The following WDR35 variants were observed in gnomAD, a reference collection of about 807,000 sequenced individuals.
WDR35 encodes the protein WD repeat domain 35.
A neutral mutation model predicts 158.3 loss-of-function variants in WDR35; 118 were observed. The ratio of observed to expected loss-of-function variants is 0.75; its 90% CI spans 0.64 to 0.87. WDR35 has a LOEUF of 0.87. WDR35 is among the 40% of genes least tolerant of loss of function. The pLI, the probability that WDR35 is intolerant of heterozygous loss-of-function variation, is 0.00. For missense variants in WDR35, 1,263 were observed against 1,405.8 expected (o/e 0.90, Z 1.62); for synonymous variants, 448 against 476.1 (o/e 0.94, Z 0.77).
chr2:19,973,549 T>A lies in WDR35; in HGVS notation c.882+14A>T, dbSNP rs1391366313. 6.2e-7 allele frequency: 1 copy of A among 1,614,122 alleles called. No individual in the cohort carries two copies. The highest frequency in any genetic ancestry group is 1.1e-5 in the South Asian group (1 of 91,082). Reference sequence around the variant, plus strand: ...TTAAATAGAAAGAAAGAAGATCAATTTGAATGCATTTACCTCACCAAACGG... The same window carrying A: ...TTAAATAGAAAGAAAGAAGATCAATATGAATGCATTTACCTCACCAAACGG... On this transcript the variant is annotated intron_variant, in intron 8 of 26. Transcript: ENST00000281405.
intron 11 of WDR35, among the ~76,000 whole-genome samples, chr2:19,957,556 A>T (rs1419428684): frequency 6.9e-6 from 1 of 145,704 alleles, no homozygotes; most frequent in East Asian, 2.0e-4. Flanking sequence ...AGGTTATTGG[A>T]TTTTTTTTTT....
Position 19,914,108 on chromosome 2 carries a change from A to G in WDR35, c.3291T>C (p.Leu1097=). Residue 1097 remains leucine, a synonymous_variant, in exon 26 of 27, where the codon CTT becomes CTC. Transcript: ENST00000281405. ...SSEQKQQYED[L]ALEIFTKHTS... ...TATGTTTGGTGAAGATTTCTAAAGC[A>G]AGGTCTTCATACTGCTGTTTCTGTT... 1 of 1,614,166 alleles carries G rather than the reference A, an allele frequency of 6.2e-7. No individual in the cohort carries two copies. Among genetic ancestry groups the G allele is most frequent in the Non-Finnish European group, 8.5e-7 (1 of 1,180,008 alleles).
intron 8 of WDR35, among the ~76,000 whole-genome samples, chr2:19,971,777 A>G (rs1349865457): frequency 6.6e-6 from 1 of 152,210 alleles, no homozygotes; most frequent in Non-Finnish European, 1.5e-5. Flanking sequence ...GAATACGACC[A>G]TCTTCTAACT....
At chr2:19,961,016 T>C (rs951677058) in intron 10 of WDR35, among the ~76,000 whole-genome samples, 1 of 152,098 alleles carries the variant, frequency 6.6e-6, no homozygotes, top group African/African-American at 2.4e-5. Context: ...TTAAAACATG[T>C]TTGAACAGGA....
intron 22 of WDR35, among the ~76,000 whole-genome samples, chr2:19,932,910 A>G (rs921326869): frequency 8.5e-5 from 13 of 152,342 alleles, no homozygotes; most frequent in Non-Finnish European, 1.8e-4. Flanking sequence ...TTTCTATAAT[A>G]ACGCTGTACT....
At chr2:19,960,401 T>C (rs1671602312) in intron 11 of WDR35, among the ~76,000 whole-genome samples, 153 bp downstream of exon 11, 1 of 152,146 alleles carries the variant, frequency 6.6e-6, no homozygotes, top group Admixed American at 6.5e-5. Context: ...TGGTAACAGA[T>C]ATAAACTGGT....
At chr2:19,976,312 C>G (rs1008809181) in intron 5 of WDR35, among the ~76,000 whole-genome samples, 2 of 152,152 alleles carry the variant, frequency 1.3e-5, no homozygotes, top group African/African-American at 4.8e-5. Flanking sequence ...CCTTTCCCAA[C>G]CAAACTTCAT....
chr2:19,913,950 C>T (rs929839000), intron 26 of WDR35, 87 bp downstream of exon 26: 3 of 1,583,298 alleles, frequency 1.9e-6, no homozygotes, highest in Non-Finnish European at 2.6e-6. Flanking sequence ...AAATTCAGTG[C>T]TTTAATTCCT....
chr2:19,989,950 C>A (rs772721118), intron 1 of WDR35, 42 bp downstream of exon 1: 31 of 1,611,868 alleles, frequency 1.9e-5, no homozygotes, highest in African/African-American at 2.7e-5. Flanking sequence ...CCGCAGGCTG[C>A]GGGAATGGCG....
At chr2:19,978,395 C>A (rs1327770767) in intron 5 of WDR35, among the ~76,000 whole-genome samples, 1 of 152,020 alleles carries the variant, frequency 6.6e-6, no homozygotes, top group African/African-American at 2.4e-5. Context: ...ATATTCAGTT[C>A]CAATAAAAAC....
intron 25 of WDR35, among the ~76,000 whole-genome samples, chr2:19,917,763 G>A (rs146589207): frequency 0.039 from 5,874 of 152,244 alleles, 229 homozygotes; most frequent in East Asian, 0.2. Flanking sequence ...CCAAATCTAC[G>A]TTTGATTGGT....
Position 19,930,383 on chromosome 2 carries a change from G to T in WDR35, c.3121+13C>A, listed in dbSNP as rs1670486719. The T allele has an allele frequency of 6.2e-7, 1 of 1,613,970 alleles. No homozygotes were observed. The highest frequency in any genetic ancestry group is 1.1e-5 in the South Asian group (1 of 91,082). ...TTTTCAGACATACTATACACATTAG[G>T]TGACATGCCCACCTGTCTTCAGTGC... On this transcript the variant is annotated intron_variant, in intron 25 of 26. Transcript: ENST00000281405.
intron 2 of WDR35, among the ~76,000 whole-genome samples, chr2:19,988,168 G>A (rs954852436): frequency 3.3e-5 from 5 of 152,190 alleles, no homozygotes; most frequent in African/African-American, 9.7e-5. Context: ...ACAGCTCAGA[G>A]CCTCAATTTT....
chr2:19,955,157 T>C (rs917163313), intron 11 of WDR35, among the ~76,000 whole-genome samples: 1 of 152,182 alleles, frequency 6.6e-6, no homozygotes, highest in East Asian at 1.9e-4. Flanking sequence ...TTCACCATGT[T>C]GGCCAGATTG....
In WDR35 at chr2:19,937,824, TC is replaced by T; in HGVS notation, c.2185del (p.Glu729SerfsTer3). On this transcript the variant is annotated frameshift_variant, in exon 19 of 27. Coordinates refer to ENST00000281405, the MANE Select transcript of WDR35 (RefSeq NM_020779.4). LOFTEE classifies it high-confidence loss of function. ...AACAACTTCAGCCTGTTTCATTGAC[TC>T]ACTCAGTAGTTTGCCCAAGCGCTTC... ...FVKRLGKLLS[E>X]SMKQAEVVGY... The T allele has an allele frequency of 6.2e-7, 1 of 1,614,160 alleles. No homozygotes were observed. Among genetic ancestry groups the T allele is most frequent in the South Asian group, 1.1e-5 (1 of 91,082 alleles).
intron 8 of WDR35, 25 bp from the exon 9 acceptor site, chr2:19,969,630 C>T: frequency 6.2e-7 from 1 of 1,610,022 alleles, no homozygotes; most frequent in Non-Finnish European, 8.5e-7. Context: ...TATCTTTAAC[C>T]TAAAGTATAA....
rs757005332 is a variant in WDR35 at position 19,966,804 on chromosome 2, A to G, written c.1114T>C (p.Tyr372His). 5.2e-5 allele frequency: 84 copies of G among 1,614,004 alleles called. 1 individual carries two copies. The South Asian group carries it at 8.8e-4, about 17-fold the overall frequency. The change falls in exon 10 of 27, where the codon TAT becomes CAT. Residue 372 changes from tyrosine (Y) to histidine (H), a missense_variant. Physicochemically the swap from Tyr to His is moderately conservative, Grantham distance 83. Coordinates refer to ENST00000281405, the MANE Select transcript of WDR35 (RefSeq NM_020779.4). The part of the protein sequence containing the change: ...DTKNNEKYVK[Y>H]VKGLISITTC... ...GTAATAGAAATGAGACCCTTCACAT[A>G]TTTAACATATTTTTCATTGTTTTTC...
intron 25 of WDR35, among the ~76,000 whole-genome samples, chr2:19,925,158 T>G (rs1309487026): frequency 6.6e-6 from 1 of 152,208 alleles, no homozygotes; most frequent in Non-Finnish European, 1.5e-5. Context: ...GCAAAGGGTC[T>G]GTGGACCCTT....
At chr2:19,915,054 T>C (rs1005276217) in intron 25 of WDR35, among the ~76,000 whole-genome samples, 2 of 152,092 alleles carry the variant, frequency 1.3e-5, no homozygotes. Flanking sequence ...CTGCACGTTC[T>C]GTACATGTAC....
Sources: gnomAD v4.1 joint callset for allele counts (sites outside exome capture counted in the v4.1 genomes callset) on GRCh38, gnomAD v4.1.1 for gene constraint, MANE v1.5 for transcripts, NCBI Gene and HGNC (gene_info 2026-07-23, HGNC 2026-07-21) for gene names.